Variants in SLC39A10 observed in about 807,000 individuals in gnomAD.
The protein encoded by SLC39A10 is zinc transporter ZIP10.
In SLC39A10, 13 loss-of-function variants were observed where a neutral mutation model predicts 65.1. The ratio of observed to expected loss-of-function variants is 0.20; its 90% CI spans 0.13 to 0.32. The LOEUF (loss-of-function observed/expected upper bound fraction) is 0.32. SLC39A10 is among the 10% of genes least tolerant of loss of function. SLC39A10 has a pLI of 1.00. For synonymous variants in SLC39A10, 321 were observed against 342.2 expected (o/e 0.94, Z 0.68); for missense variants, 831 against 1,018.4 (o/e 0.82, Z 2.50).
At chr2:195,707,287 A>G (rs1691439176) in intron 4 of SLC39A10, among the ~76,000 whole-genome samples, 1 of 152,180 alleles carries the variant, frequency 6.6e-6, no homozygotes, top group South Asian at 2.1e-4. Context: ...TCACAAGCCC[A>G]TATTCCTAGT....
At chr2:195,656,089 G>A (rs1357699121), upstream of SLC39A10, among the ~76,000 whole-genome samples, 1 of 152,078 alleles carries the variant, frequency 6.6e-6, no homozygotes, top group Non-Finnish European at 1.5e-5. Flanking sequence ...ACACAGTCAA[G>A]CCTGCGATTA....
chr2:195,711,037 G>C, intron 5 of SLC39A10, among the ~76,000 whole-genome samples: 1 of 152,030 alleles, frequency 6.6e-6, no homozygotes, highest in East Asian at 1.9e-4. Flanking sequence ...TATTTAGATG[G>C]GAGAATCAAG....
chr2:195,668,117 C>G (rs377632632), intron 1 of SLC39A10, among the ~76,000 whole-genome samples: 34 of 152,270 alleles, frequency 2.2e-4, no homozygotes, highest in African/African-American at 7.9e-4. Flanking sequence ...TGCACACAGC[C>G]TCACTGCTTC....
intron 2 of SLC39A10, among the ~76,000 whole-genome samples, chr2:195,635,920 G>T (rs1010894733): frequency 1.3e-5 from 2 of 152,112 alleles, no homozygotes; most frequent in Admixed American, 1.3e-4. Context: ...TGAAAGATCT[G>T]CATAACTCAG....
Position 195,735,943 on chromosome 2 carries a change from A to G in SLC39A10, c.*902A>G, listed in dbSNP as rs1692588712. On this transcript the variant is annotated 3_prime_UTR_variant, in exon 10 of 10. Coordinates refer to ENST00000359634, the MANE Select transcript of SLC39A10 (RefSeq NM_020342.3). ...TAGTTGATTTTCCTATTTTAACAGT[A>G]CCAACTAGTTAATTGGGAAATGTAA... The G allele has an allele frequency of 6.6e-6, 1 of 151,962 alleles. No individual in the cohort carries two copies. The highest frequency in any genetic ancestry group is 1.5e-5 in the Non-Finnish European group (1 of 67,996). The allele number at this position is 151,962 out of a possible 1,614,324, so 9.4% of individuals were successfully genotyped here. A position where few individuals can be genotyped will look rare whatever the true frequency, so the allele number is the denominator to read the frequency against.
At chr2:195,684,768 C>T (rs1690461149) in intron 3 of SLC39A10, among the ~76,000 whole-genome samples, 1 of 152,048 alleles carries the variant, frequency 6.6e-6, no homozygotes, top group Non-Finnish European at 1.5e-5. Context: ...CATAACCTTC[C>T]CTGCCTGTGT....
At chr2:195,721,221 T>C (rs1692024910) in intron 8 of SLC39A10, among the ~76,000 whole-genome samples, 1 of 152,348 alleles carries the variant, frequency 6.6e-6, no homozygotes, top group Non-Finnish European at 1.5e-5. Context: ...ATTACAGGTG[T>C]GAGCCACCAC....
rs755927021 is a variant in SLC39A10 at position 195,713,517 on chromosome 2, C to T, written c.1660C>T (p.Pro554Ser). 2.5e-6 allele frequency: 4 copies of T among 1,581,066 alleles called. No individual in the cohort carries two copies. In the African/African-American group the frequency reaches 5.5e-5, roughly 22 times the overall value. Residue 554 changes from proline to serine, a missense_variant, in exon 6 of 10, where the codon CCA becomes TCA. Pro to Ser is a moderately conservative substitution (Grantham distance 74, BLOSUM62 -1). This residue lies in a region of SLC39A10 where 230 missense variants were observed against 242.9 expected (regional missense o/e 0.95). Transcript: ENST00000359634. Reference sequence around the variant, plus strand: ...TTCAGATCACAAGTTAAACAATACACCAGATTCTGACTGGCTTCAACTCAA... The same window carrying T: ...TTCAGATCACAAGTTAAACAATACATCAGATTCTGACTGGCTTCAACTCAA... ...KLSDHKLNNT[P>S]DSDWLQLKPL...
rs1472219119 is a variant in SLC39A10, at chr2:195,708,669, A to G, written c.1400A>G (p.His467Arg). The part of the protein sequence containing the change: ...LHLLPHSQGG[H>R]DHSHQHAHGH... Reference sequence around the variant, plus strand: ...TCTTATTAATAGTCTCAGGGTGGACATGATCACAGTCACCAACATGCACAT... The same window carrying G: ...TCTTATTAATAGTCTCAGGGTGGACGTGATCACAGTCACCAACATGCACAT... The change falls in exon 5 of 10, where the codon CAT becomes CGT. Residue 467 changes from histidine to arginine, a missense_variant. Physicochemically the swap from His to Arg is conservative, Grantham distance 29. Coordinates refer to ENST00000359634, the MANE Select transcript of SLC39A10 (RefSeq NM_020342.3). 4 of 1,599,312 alleles carry G rather than the reference A, an allele frequency of 2.5e-6. No homozygotes were observed. The highest frequency in any genetic ancestry group is 3.4e-6 in the Non-Finnish European group (4 of 1,174,416).
chr2:195,631,376 C>T lies in SLC39A10; in HGVS notation c.-12+25143C>T, dbSNP rs187846120. Among the ~76,000 whole-genome samples, 447 of 151,842 alleles carry T rather than the reference C, an allele frequency of 2.9e-3. 7 individuals are homozygous for T. Among genetic ancestry groups the T allele is most frequent in the Admixed American group, 0.027 (417 of 15,252 alleles). ...AAAAAAGAGAGATCAAATTGTTAAA[C>T]GAAATTGTAACATAATTCATTTAAC... On this transcript the variant is annotated intron_variant, in intron 2 of 2. Transcript: ENST00000458054.
intron 1 of SLC39A10, among the ~76,000 whole-genome samples, chr2:195,662,343 A>T (rs369835296): frequency 6.6e-6 from 1 of 150,468 alleles, no homozygotes; most frequent in African/African-American, 2.5e-5. Flanking sequence ...ATCAGGGCTC[A>T]CTGCAGCCCT....
chr2:195,631,204 A>C (rs537561523), intron 2 of SLC39A10, among the ~76,000 whole-genome samples: 1 of 151,820 alleles, frequency 6.6e-6, no homozygotes, highest in African/African-American at 2.4e-5. Flanking sequence ...CTATATATCT[A>C]TATATATAGA....
At chr2:195,635,708 C>CCCCTT in intron 2 of SLC39A10, among the ~76,000 whole-genome samples, 1 of 141,832 alleles carries the variant, frequency 7.1e-6, no homozygotes, top group East Asian at 2.1e-4. Flanking sequence ...ACCCCCCCCA[C>CCCCTT]TTTTTTTTTT....
At position 195,683,916 on chromosome 2, in the gene SLC39A10, A is replaced by AT; in HGVS notation, c.1216+14dup. On this transcript the variant is annotated intron_variant, in intron 3 of 9. Transcript: ENST00000359634. The stretch of plus-strand genomic sequence containing the variant: ...AATATAGGGGCATCAGGTAAGAGAG[A>AT]TTTTAAGTTTTTTCTCCTTAAAATA... The AT allele has an allele frequency of 6.3e-7, 1 of 1,599,588 alleles. No homozygotes were observed. Among genetic ancestry groups the AT allele is most frequent in the Non-Finnish European group, 8.5e-7 (1 of 1,172,644 alleles).
chr2:195,722,824 C>T (rs1248974203), intron 8 of SLC39A10, among the ~76,000 whole-genome samples: 1 of 152,224 alleles, frequency 6.6e-6, no homozygotes, highest in Non-Finnish European at 1.5e-5. Flanking sequence ...GATTTCCATA[C>T]TGACCTCAGA....
intron 2 of SLC39A10, among the ~76,000 whole-genome samples, chr2:195,617,226 A>G (rs981441835): frequency 6.6e-6 from 1 of 152,096 alleles, no homozygotes; most frequent in African/African-American, 2.4e-5. Flanking sequence ...ATTTTTTTGC[A>G]TGCCCATTTG....
intron 3 of SLC39A10, among the ~76,000 whole-genome samples, chr2:195,702,901 G>A (rs1463157197): frequency 6.6e-6 from 1 of 152,136 alleles, no homozygotes; most frequent in Non-Finnish European, 1.5e-5. Context: ...TTTTCAATTA[G>A]GGCACAAGTA....
chr2:195,712,683 A>G (rs576076544), intron 5 of SLC39A10, among the ~76,000 whole-genome samples: 69 of 152,346 alleles, frequency 4.5e-4, no homozygotes, highest in African/African-American at 1.6e-3. Flanking sequence ...ATAAAAGAAG[A>G]AAGCAGTAAA....
intron 2 of SLC39A10, among the ~76,000 whole-genome samples, chr2:195,634,905 A>G (rs1009660867): frequency 6.6e-6 from 1 of 152,058 alleles, no homozygotes; most frequent in African/African-American, 2.4e-5. Context: ...AAAATTAGCC[A>G]GGCATGATGG....
Sources: allele counts gnomAD v4.1 joint callset (sites outside exome capture counted in the v4.1 genomes callset), GRCh38; gene constraint gnomAD v4.1.1; regional missense constraint gnomAD v4.1.1; transcripts MANE v1.5; gene names NCBI Gene and HGNC (gene_info 2026-07-23, HGNC 2026-07-21).